COP1: variants seen among roughly 807,000 people sequenced by gnomAD.
The protein encoded by COP1 is E3 ubiquitin-protein ligase COP1.
Under a neutral mutation model 101.3 loss-of-function variants are expected in COP1, and 24 were observed. That is an observed-to-expected ratio of 0.24 (90% CI 0.17 to 0.33). The LOEUF is 0.33. COP1 is among the 10% of genes least tolerant of loss of function. COP1 has a pLI of 1.00. For synonymous variants in COP1, 347 were observed against 341.9 expected (o/e 1.01, Z -0.17); for missense variants, 663 against 906.2 (o/e 0.73, Z 3.45).
At chr1:176,168,718 G>T in intron 3 of COP1, 1 of 355,928 alleles carries the variant, frequency 2.8e-6, no homozygotes, top group Non-Finnish European at 5.7e-6. Flanking sequence ...AAAACCAAGG[G>T]AGGCAGAGAG....
intron 5 of COP1, among the ~76,000 whole-genome samples, chr1:176,149,543 C>T (rs1481293642): frequency 6.6e-6 from 1 of 152,048 alleles, no homozygotes; most frequent in Non-Finnish European, 1.5e-5. Flanking sequence ...TAGTTATTAC[C>T]TACTTATTCA....
rs371532118 is a variant in COP1, at chr1:176,204,447, G to A, written c.407+2125C>T. ...TACAAGACAAGACCCACAGCCAAAC[G>A]GGGGGAAAAAAAAAGAAAAAAAGGA... On this transcript the variant is annotated intron_variant, in intron 1 of 19. Transcript: ENST00000367669. Among the ~76,000 whole-genome samples, 398 of 151,900 alleles carry A rather than the reference G, an allele frequency of 2.6e-3. 3 individuals carry two copies. The highest frequency in any genetic ancestry group is 9.2e-3 in the African/African-American group (379 of 41,414).
intron 1 of COP1, among the ~76,000 whole-genome samples, chr1:176,188,672 T>A (rs1012850117): frequency 4.6e-5 from 7 of 152,154 alleles, no homozygotes; most frequent in African/African-American, 1.7e-4. Context: ...CGATCAGTGA[T>A]CTTTGATGTT....
Position 176,088,885 on chromosome 1 carries a change from C to G in COP1, c.1027-2995G>C, listed in dbSNP as rs986590589. ...TGGTGCATGCCTGTAATCCCAGCTACTCGGGAGGCTGAGGCAGGAGAATCA... is the reference window on the plus strand; with the variant it reads ...TGGTGCATGCCTGTAATCCCAGCTAGTCGGGAGGCTGAGGCAGGAGAATCA... On this transcript the variant is annotated intron_variant, in intron 9 of 19. Transcript: ENST00000367669. Among the ~76,000 whole-genome samples the G allele has an allele frequency of 1.1e-4, 17 of 151,424 alleles. No individual in the cohort carries two copies. In the East Asian group the frequency reaches 3.1e-3, roughly 28 times the overall value.
chr1:176,088,832 C>A (rs988703662), intron 9 of COP1, among the ~76,000 whole-genome samples: 1 of 151,494 alleles, frequency 6.6e-6, no homozygotes, highest in Non-Finnish European at 1.5e-5. Flanking sequence ...CCCGTCTGTA[C>A]TAAAACTACA....
intron 18 of COP1, among the ~76,000 whole-genome samples, chr1:175,960,914 G>A (rs1651258158): frequency 6.6e-6 from 1 of 152,212 alleles, no homozygotes; most frequent in South Asian, 2.1e-4. Context: ...GTGTGAGTCG[G>A]TTGACTGAGT....
chr1:176,206,554 A>G lies in COP1; in HGVS notation c.407+18T>C. The stretch of plus-strand genomic sequence containing the variant: ...ACTCATAATTTAGGGACAAGGAGGG[A>G]GTGCTCTTCAAACCCACCATACGAA... On this transcript the variant is annotated intron_variant, in intron 1 of 19. Transcript: ENST00000367669. The G allele has an allele frequency of 9.4e-6, 15 of 1,599,216 alleles. No individual in the cohort carries two copies. Among genetic ancestry groups the G allele is most frequent in the Non-Finnish European group, 1.3e-5 (15 of 1,176,242 alleles).
chr1:176,008,221 C>T (rs1008424929), intron 15 of COP1, among the ~76,000 whole-genome samples: 1 of 152,108 alleles, frequency 6.6e-6, no homozygotes, highest in Non-Finnish European at 1.5e-5. Context: ...GTGCACGCAC[C>T]CACTGATCTG....
At chr1:176,140,405 A>G (rs759105705) in intron 6 of COP1, among the ~76,000 whole-genome samples, 2 of 152,198 alleles carry the variant, frequency 1.3e-5, no homozygotes, top group Non-Finnish European at 2.9e-5. Flanking sequence ...TCAGGCAAGA[A>G]ATATTAAAAA....
Position 176,043,699 on chromosome 1 carries a change from C to A in COP1, c.1530+11G>T. On this transcript the variant is annotated intron_variant, in intron 13 of 19. Coordinates refer to ENST00000367669, the MANE Select transcript of COP1 (RefSeq NM_022457.7). ...TGATTCATATAACATGTAACTAGTA[C>A]CCTTATTTACCTGATAGACCTTTGA... 7.1e-7 allele frequency: 1 copy of A among 1,401,460 alleles called. No homozygotes were observed. Among genetic ancestry groups the A allele is most frequent in the South Asian group, 1.2e-5 (1 of 85,838 alleles). 86.8% of individuals were successfully genotyped at this position (1,401,460 alleles called of 1,614,324 possible).
chr1:176,183,976 T>A (rs1049287617), intron 2 of COP1, among the ~76,000 whole-genome samples: 10 of 152,096 alleles, frequency 6.6e-5, no homozygotes, highest in African/African-American at 2.4e-4. Flanking sequence ...GTGACGAGTT[T>A]CAGTTTTGCA....
chr1:176,083,438 C>G (rs919602673), intron 10 of COP1, among the ~76,000 whole-genome samples: 2 of 150,740 alleles, frequency 1.3e-5, no homozygotes, highest in Non-Finnish European at 3.0e-5. Flanking sequence ...TTTTCAGTAT[C>G]TGAAAGTATA....
intron 12 of COP1, among the ~76,000 whole-genome samples, chr1:176,045,958 T>C (rs1193718871): frequency 6.6e-6 from 1 of 151,354 alleles, no homozygotes; most frequent in Admixed American, 6.6e-5. Flanking sequence ...GAACTTTAAT[T>C]TGGCAACCAG....
chr1:176,003,934 C>T (rs1471735606), intron 15 of COP1, among the ~76,000 whole-genome samples: 1 of 151,984 alleles, frequency 6.6e-6, no homozygotes, highest in Non-Finnish European at 1.5e-5. Context: ...CTGTAAATTA[C>T]CCTGGGCAGT....
At chr1:175,972,483 T>TTTTTTTTTTTTTTTTA (rs1553281799) in intron 18 of COP1, among the ~76,000 whole-genome samples, 2 of 150,010 alleles carry the variant, frequency 1.3e-5, no homozygotes, top group African/African-American at 4.9e-5. Context: ...TTTTTTTTTT[T>TTTTTTTTTTTTTTTTA]GAGACAGAGT....
At chr1:175,997,926 G>T (rs1459007095) in intron 15 of COP1, among the ~76,000 whole-genome samples, 4 of 151,832 alleles carry the variant, frequency 2.6e-5, no homozygotes, top group Non-Finnish European at 5.9e-5. Context: ...TATAAATAAT[G>T]CTGCTATAAA....
chr1:175,983,818 T>C (rs989602577), intron 18 of COP1, among the ~76,000 whole-genome samples: 2 of 152,220 alleles, frequency 1.3e-5, no homozygotes, highest in East Asian at 3.8e-4. Flanking sequence ...ACTCTTGTTA[T>C]GTTTTAGCAA....
intron 1 of COP1, 57 bp downstream of exon 1, chr1:176,206,515 C>T: frequency 6.3e-7 from 1 of 1,582,136 alleles, no homozygotes; most frequent in Non-Finnish European, 8.5e-7. Context: ...CGCCCCCAAG[C>T]CTAAGCGGCA....
chr1:176,121,471 C>T (rs1397314186), intron 8 of COP1, among the ~76,000 whole-genome samples: 1 of 151,742 alleles, frequency 6.6e-6, no homozygotes, highest in East Asian at 1.9e-4. Flanking sequence ...TTATTGAGTT[C>T]TTACTAAGTA....
Sources: gnomAD v4.1 joint callset for allele counts (sites outside exome capture counted in the v4.1 genomes callset) on GRCh38, gnomAD v4.1.1 for gene constraint, MANE v1.5 for transcripts, NCBI Gene and HGNC (gene_info 2026-07-23, HGNC 2026-07-21) for gene names.